The following CAMSAP2 variants were observed in gnomAD, a reference collection of about 807,000 sequenced individuals.
The protein encoded by CAMSAP2 is calmodulin-regulated spectrin-associated protein 2.
Under a neutral mutation model 146.1 loss-of-function variants are expected in CAMSAP2, and 26 were observed. The observed-to-expected ratio is 0.18, with a 90% CI of 0.13 to 0.25. The LOEUF is 0.25. Ranked by LOEUF, CAMSAP2 falls within the 10% of genes least tolerant of loss-of-function variation. The probability of loss-of-function intolerance (pLI) is 1.00; values close to 1 mark genes in which losing one functional copy is unlikely to be tolerated. For missense variants in CAMSAP2, 1,381 were observed against 1,759.3 expected, an observed-to-expected ratio of 0.78 and a Z score of 3.85; for synonymous variants, 499 against 596.6, an observed-to-expected ratio of 0.84 and a Z score of 2.38.
Position 200,816,947 on chromosome 1 carries a change from T to C in CAMSAP2, c.645+1303T>C, listed in dbSNP as rs146019167. 1.2e-4 allele frequency among the ~76,000 whole-genome samples: 7 copies of C among 59,384 alleles called. 2 individuals carry two copies. The highest frequency in any genetic ancestry group is 7.7e-4 in the South Asian group (1 of 1,300). The allele number at this position is 59,384 out of a possible 152,430, so 39.0% of individuals were successfully genotyped here. A position where few individuals can be genotyped will look rare whatever the true frequency, so the allele number is the denominator to read the frequency against. On this transcript the variant is annotated intron_variant, in intron 4 of 16. Transcript: ENST00000358823. The stretch of plus-strand genomic sequence containing the variant: ...GTACACACACACGCGTGTGTATGTG[T>C]GTACACACACACGCGTGTGTATGTG...
At position 200,799,093 on chromosome 1, in the gene CAMSAP2, C is replaced by T. The variant is rs193249251; in HGVS notation, c.400-8283C>T. On this transcript the variant is annotated intron_variant, in intron 2 of 16. Coordinates refer to ENST00000358823, the MANE Select transcript of CAMSAP2 (RefSeq NM_203459.4). ...GCCAGTGTTTTATTGAGGGTTTTCA[C>T]ATTGATGTTCATCAGGGATATTGGC... 5.1e-3 allele frequency among the ~76,000 whole-genome samples: 782 copies of T among 152,276 alleles called. 1 individual carries two copies. The highest frequency in any genetic ancestry group is 7.6e-3 in the Non-Finnish European group (518 of 68,022).
intron 2 of CAMSAP2, among the ~76,000 whole-genome samples, chr1:200,782,139 T>G (rs1665451072): frequency 6.6e-6 from 1 of 152,182 alleles, no homozygotes; most frequent in Admixed American, 6.5e-5. Flanking sequence ...ATAAAAACAC[T>G]AAAAATCTTT....
chr1:200,761,910 A>G (rs1321213671), intron 2 of CAMSAP2, among the ~76,000 whole-genome samples: 1 of 152,256 alleles, frequency 6.6e-6, no homozygotes, highest in Non-Finnish European at 1.5e-5. Flanking sequence ...AGGCAGTCTC[A>G]GGAAACATAA....
Position 200,848,714 on chromosome 1 carries a change from G to A in CAMSAP2, c.1945G>A (p.Asp649Asn), listed in dbSNP as rs775277277. The A allele has an allele frequency of 3.1e-6, 5 of 1,613,954 alleles. No individual in the cohort carries two copies. The East Asian group carries it at 1.1e-4, about 36-fold the overall frequency. The change falls in exon 11 of 17, where the codon GAT (aspartate) becomes AAT (asparagine). Residue 649 changes from aspartate (D) to asparagine (N), a missense_variant. Coordinates refer to ENST00000358823, the MANE Select transcript of CAMSAP2 (RefSeq NM_203459.4). ...DMDDASKFLQ[D>N]YDIRTGNTRE... ...GGATGATGCATCTAAATTTCTTCAG[G>A]ATTATGATATTCGAACTGGCAACAC...
chr1:200,851,029 T>C (rs1229889138), intron 11 of CAMSAP2, among the ~76,000 whole-genome samples: 1 of 152,232 alleles, frequency 6.6e-6, no homozygotes, highest in Non-Finnish European at 1.5e-5. Context: ...TCTAAAGCCT[T>C]TTATAATTCC....
At chr1:200,751,885 G>A (rs1664516140) in intron 1 of CAMSAP2, among the ~76,000 whole-genome samples, 1 of 152,162 alleles carries the variant, frequency 6.6e-6, no homozygotes, top group African/African-American at 2.4e-5. Context: ...TGGGCTGTGG[G>A]TGTAACAGGT....
intron 2 of CAMSAP2, among the ~76,000 whole-genome samples, chr1:200,790,450 G>GAA: frequency 6.6e-6 from 1 of 152,310 alleles, no homozygotes; most frequent in East Asian, 1.9e-4. Context: ...CCTATAACTT[G>GAA]ATCCCTTGGA....
At chr1:200,761,184 GTT>G in intron 2 of CAMSAP2, 86 bp downstream of exon 2, 2 of 1,272,860 alleles carry the variant, frequency 1.6e-6, no homozygotes, top group South Asian at 2.8e-5. Flanking sequence ...AGAGGGAAAT[GTT>G]TTGAAATTGG....
Position 200,859,810 on chromosome 1 carries a change from A to G in CAMSAP2, c.*1751A>G, listed in dbSNP as rs1159521853. The stretch of plus-strand genomic sequence containing the variant: ...TTTCTATCACAGTTAGAAGGAAATG[A>G]TAGTCAAATACACGTTTAGATTAAA... On this transcript the variant is annotated 3_prime_UTR_variant, in exon 17 of 17. Coordinates refer to ENST00000358823, the MANE Select transcript of CAMSAP2 (RefSeq NM_203459.4). 2 of 152,266 alleles carry G rather than the reference A, an allele frequency of 1.3e-5. No homozygotes were observed. Among genetic ancestry groups the G allele is most frequent in the African/African-American group, 4.8e-5 (2 of 41,458 alleles). 9.4% of individuals were successfully genotyped at this position (152,266 alleles called of 1,614,324 possible).
chr1:200,851,676 CTCT>C (rs1391113522), intron 11 of CAMSAP2, among the ~76,000 whole-genome samples: 1 of 152,064 alleles, frequency 6.6e-6, no homozygotes, highest in African/African-American at 2.4e-5. Flanking sequence ...TTGTTTGTAC[CTCT>C]TCTCCTTGTG....
chr1:200,780,194 T>G (rs997781943), intron 2 of CAMSAP2, among the ~76,000 whole-genome samples: 4 of 152,248 alleles, frequency 2.6e-5, no homozygotes, highest in Non-Finnish European at 5.9e-5. Context: ...GTAATGTCTG[T>G]GATTTATTAC....
At chr1:200,770,382 G>C (rs1298491931) in intron 2 of CAMSAP2, among the ~76,000 whole-genome samples, 1 of 151,894 alleles carries the variant, frequency 6.6e-6, no homozygotes, top group Non-Finnish European at 1.5e-5. Context: ...TACACCATGA[G>C]GCCTTCCCAA....
intron 2 of CAMSAP2, among the ~76,000 whole-genome samples, chr1:200,779,604 G>C (rs1665377332): frequency 6.6e-6 from 1 of 152,202 alleles, no homozygotes; most frequent in African/African-American, 2.4e-5. Flanking sequence ...GAGAAGGTCA[G>C]AGATAGAACT....
chr1:200,856,844 G>A (rs141113567), intron 15 of CAMSAP2, among the ~76,000 whole-genome samples: 322 of 152,238 alleles, frequency 2.1e-3, no homozygotes, highest in African/African-American at 7.6e-3. Context: ...ACCTCCTACC[G>A]CCAGTCTGAC....
At chr1:200,851,370 T>A (rs1313545727) in intron 11 of CAMSAP2, among the ~76,000 whole-genome samples, 1 of 152,108 alleles carries the variant, frequency 6.6e-6, no homozygotes, top group African/African-American at 2.4e-5. Flanking sequence ...AAATTTTGTA[T>A]TTTTAGTAGA....
At chr1:200,757,156 G>T (rs1571721136) in intron 1 of CAMSAP2, among the ~76,000 whole-genome samples, 1 of 152,126 alleles carries the variant, frequency 6.6e-6, no homozygotes, top group Non-Finnish European at 1.5e-5. Flanking sequence ...TGGAAAATAA[G>T]GTGGCATTCC....
intron 2 of CAMSAP2, among the ~76,000 whole-genome samples, chr1:200,772,074 C>T (rs538713210): frequency 6.6e-6 from 1 of 152,250 alleles, no homozygotes; most frequent in East Asian, 1.9e-4. Context: ...TGAAAGAGAT[C>T]CTAGCAATCA....
chr1:200,739,511 C>T lies in CAMSAP2; in HGVS notation c.-317C>T, dbSNP rs1664081735. On this transcript the variant is annotated 5_prime_UTR_variant, in exon 1 of 17. Transcript: ENST00000358823. The surrounding 1 kb of genome is among the most constrained non-coding windows in gnomAD (Gnocchi z 4.8). Reference sequence around the variant, plus strand: ...AACCGAGACAAAGGGGAGGCGGCCTCGCTCACACGCGGGCTCGCGGGGCGG... The same window carrying T: ...AACCGAGACAAAGGGGAGGCGGCCTTGCTCACACGCGGGCTCGCGGGGCGG... The T allele has an allele frequency of 4.9e-5, 8 of 162,326 alleles. No homozygotes were observed. The South Asian group carries it at 1.4e-3, about 29-fold the overall frequency. 10.1% of individuals were successfully genotyped at this position (162,326 alleles called of 1,614,324 possible).
chr1:200,766,514 C>T (rs1664957052), intron 2 of CAMSAP2, among the ~76,000 whole-genome samples: 1 of 152,122 alleles, frequency 6.6e-6, no homozygotes, highest in Non-Finnish European at 1.5e-5. Flanking sequence ...ATTCTTACAA[C>T]AACTCCAAGA....
Sources: allele counts gnomAD v4.1 joint callset (sites outside exome capture counted in the v4.1 genomes callset), GRCh38; gene constraint gnomAD v4.1.1; non-coding constraint Gnocchi (gnomAD v3.1); transcripts MANE v1.5; gene names NCBI Gene and HGNC (gene_info 2026-07-23, HGNC 2026-07-21).